Variants in PCBP4 observed in about 807,000 individuals in gnomAD.
The protein encoded by PCBP4 is poly(rC)-binding protein 4.
A neutral mutation model predicts 46.2 loss-of-function variants in PCBP4; 24 were observed. The observed-to-expected ratio is 0.52, with a 90% CI of 0.38 to 0.73. The LOEUF (loss-of-function observed/expected upper bound fraction) is 0.73. PCBP4 is among the 30% of genes least tolerant of loss of function. The pLI, the probability that PCBP4 is intolerant of heterozygous loss-of-function variation, is 0.00. For missense variants in PCBP4, 407 were observed against 537.0 expected (o/e 0.76, Z 2.39); for synonymous variants, 203 against 224.4 (o/e 0.90, Z 0.85).
Position 51,967,332 on chromosome 3 carries a change from G to A in PCBP4, c.-219C>T, listed in dbSNP as rs1212350786. On this transcript the variant is annotated 5_prime_UTR_variant, in exon 1 of 14. The change creates a premature stop within an existing upstream ORF in the 5' untranslated region. Coordinates refer to ENST00000461554, the MANE Select transcript of PCBP4 (RefSeq NM_001174100.2). The stretch of plus-strand genomic sequence containing the variant: ...CGCCCGGCCCGCGCCCTACCTCGCT[G>A]GGGCTGTCCTGCGGCGGCGGCGGCG... 1 of 150,318 alleles carries A rather than the reference G, an allele frequency of 6.7e-6. No individual in the cohort carries two copies. Among genetic ancestry groups the A allele is most frequent in the Middle Eastern group, 3.3e-3 (1 of 302 alleles). 9.3% of individuals were successfully genotyped at this position (150,318 alleles called of 1,614,324 possible).
At chr3:51,966,701 C>A (rs1022332471) in intron 1 of PCBP4, among the ~76,000 whole-genome samples, 2 of 152,042 alleles carry the variant, frequency 1.3e-5, no homozygotes, top group African/African-American at 2.4e-5. Flanking sequence ...CCACAGGTCT[C>A]AAGATGGCGG....
intron 1 of PCBP4, among the ~76,000 whole-genome samples, chr3:51,966,291 A>G (rs1164013888): frequency 6.6e-6 from 1 of 152,024 alleles, no homozygotes; most frequent in Non-Finnish European, 1.5e-5. Context: ...TGCAAGAAGA[A>G]CAATCCCCTT....
intron 1 of PCBP4, among the ~76,000 whole-genome samples, chr3:51,965,545 CT>C (rs1279974525): frequency 2.6e-5 from 4 of 152,228 alleles, no homozygotes; most frequent in African/African-American, 9.6e-5. Context: ...CTGAGCCTGT[CT>C]TTCCACTATA....
chr3:51,959,962 A>C lies in PCBP4; in HGVS notation c.449T>G (p.Val150Gly). 4 of 1,613,476 alleles carry C rather than the reference A, an allele frequency of 2.5e-6. No individual in the cohort carries two copies. Among genetic ancestry groups the C allele is most frequent in the Non-Finnish European group, 3.4e-6 (4 of 1,179,526 alleles). Residue 150 changes from valine to glycine, a missense_variant, in exon 8 of 14, where the codon GTT becomes GGT. Physicochemically the swap from Val to Gly is moderately radical, Grantham distance 109 (BLOSUM62 -3). Transcript: ENST00000461554. This position sits in a 1 kb window ranked among gnomAD's most constrained non-coding sequence, Gnocchi z 5.6. The part of the protein sequence containing the change: ...DLLPNSTERA[V>G]TVSGVPDAII... ...GGCATCAGGCACCCCAGATACCGTA[A>C]CAGCTCGCTCTGTGGAGTTGGGGAG... is the stretch of plus-strand genomic sequence containing the variant.
Position 51,960,761 on chromosome 3 carries a change from G to T in PCBP4, c.138+105C>A. 1 of 1,471,120 alleles carries T rather than the reference G, an allele frequency of 6.8e-7. No individual in the cohort carries two copies. The highest frequency in any genetic ancestry group is 1.7e-5 in the Admixed American group (1 of 59,820). The allele number at this position is 1,471,120 out of a possible 1,614,324, so 91.1% of individuals were successfully genotyped here. On this transcript the variant is annotated intron_variant, in intron 5 of 13. Transcript: ENST00000461554. The surrounding 1 kb of genome is among the most constrained non-coding windows in gnomAD (Gnocchi z 5.0). ...AGGCTCAAAACTGCCACCCTCTGGG[G>T]GACTCACTGGTCAGCCCAGAAGGAG...
intron 1 of PCBP4, among the ~76,000 whole-genome samples, chr3:51,962,634 C>T (rs912920243): frequency 2.0e-4 from 31 of 152,320 alleles, no homozygotes; most frequent in African/African-American, 7.2e-4. Flanking sequence ...TCCTCCTCAG[C>T]CCCCTGCCCC....
Position 51,960,016 on chromosome 3 carries a change from C to T in PCBP4, c.395G>A (p.Gly132Asp), listed in dbSNP as rs1354710342. ...TKIKEIRETTGAQVQVAGDLL... is the reference protein window; with the variant it reads ...TKIKEIRETTDAQVQVAGDLL... ...GTCCCCTGCCACCTGTACCTGGGCA[C>T]CCGTAGTCTGCAAACAGAGAACAGG... Residue 132 changes from glycine (G) to aspartate (D), a missense_variant, in exon 8 of 14, where the codon GGT (glycine) becomes GAT (aspartate). Physicochemically the swap from Gly to Asp is moderately conservative, Grantham distance 94. Transcript: ENST00000461554. The surrounding 1 kb of genome is among the most constrained non-coding windows in gnomAD (Gnocchi z 5.0). 2 of 1,614,104 alleles carry T rather than the reference C, an allele frequency of 1.2e-6. No homozygotes were observed. The highest frequency in any genetic ancestry group is 1.3e-5 in the African/African-American group (1 of 74,938).
Position 51,958,766 on chromosome 3 carries a change from C to G in PCBP4, c.923+24G>C, listed in dbSNP as rs750661659. On this transcript the variant is annotated intron_variant, in intron 13 of 13. Transcript: ENST00000461554. This position sits in a 1 kb window ranked among gnomAD's most constrained non-coding sequence, Gnocchi z 5.4. The stretch of plus-strand genomic sequence containing the variant: ...ACATGAGAACCGTGACCTGCTCCCC[C>G]ACTGCCGCCCAGCCCGCGCTCACCA... 11 of 1,599,402 alleles carry G rather than the reference C, an allele frequency of 6.9e-6. No homozygotes were observed. Among genetic ancestry groups the G allele is most frequent in the Admixed American group, 3.4e-5 (2 of 59,660 alleles).
At chr3:51,965,935 A>AC (rs1700399943) in intron 1 of PCBP4, among the ~76,000 whole-genome samples, 1 of 152,084 alleles carries the variant, frequency 6.6e-6, no homozygotes, top group African/African-American at 2.4e-5. Context: ...GGGGTGGGGT[A>AC]CGTTTCACAG....
In PCBP4 at chr3:51,958,063, A is replaced by T; in HGVS notation, c.1210T>A (p.Ter404ArgextTer66). 6.5e-7 allele frequency: 1 copy of T among 1,545,616 alleles called. No individual in the cohort carries two copies. Among genetic ancestry groups the T allele is most frequent in the Non-Finnish European group, 8.7e-7 (1 of 1,147,478 alleles). Residue 404 changes from the stop codon to arginine, a stop_lost, in exon 14 of 14, where the codon TGA becomes AGA. Coordinates refer to ENST00000461554, the MANE Select transcript of PCBP4 (RefSeq NM_001174100.2). The surrounding 1 kb of genome is among the most constrained non-coding windows in gnomAD (Gnocchi z 5.4). ...CCCTGCCTGTACCTCAGCTGGCCTC[A>T]GTAGGGGGAGAATTTCTGCCGCTCA... is the stretch of plus-strand genomic sequence containing the variant. ...KAERQKFSPY[*>R]
rs1183080946 is a variant in PCBP4, at chr3:51,961,176, A to G, written c.65T>C (p.Met22Thr). 5.0e-6 allele frequency: 8 copies of G among 1,613,682 alleles called. No individual in the cohort carries two copies. The highest frequency in any genetic ancestry group is 5.9e-6 in the Non-Finnish European group (7 of 1,180,008). Reference sequence around the variant, plus strand: ...CCCGCTCACCTTCCCGTGCATCAGCATCCGCAGCGTGAGGGTGATGCTGAG... The same window carrying G: ...CCCGCTCACCTTCCCGTGCATCAGCGTCCGCAGCGTGAGGGTGATGCTGAG... ...PELSITLTLR[M>T]LMHGKEVGSI... The change falls in exon 3 of 14, where the codon ATG becomes ACG. Residue 22 changes from methionine to threonine, a missense_variant. Coordinates refer to ENST00000461554, the MANE Select transcript of PCBP4 (RefSeq NM_001174100.2).
In PCBP4 at chr3:51,961,230, G is replaced by C. The variant is rs765205448; in HGVS notation, c.11C>G (p.Ser4Trp). 4 of 1,612,268 alleles carry C rather than the reference G, an allele frequency of 2.5e-6. No homozygotes were observed. The highest frequency in any genetic ancestry group is 3.3e-5 in the Admixed American group (2 of 60,014). The stretch of plus-strand genomic sequence containing the variant: ...TGGCTCCTCCTCCAGTCCCCCGTCC[G>C]AGCCGCTCATTCTGTCAGGCGAGGC... MSG[S>W]DGGLEEEPEL... The change falls in exon 3 of 14, where the codon TCG (serine) becomes TGG (tryptophan). Residue 4 changes from serine (S) to tryptophan (W), a missense_variant. By Grantham distance (177) the Ser-to-Trp change is radical. Coordinates refer to ENST00000461554, the MANE Select transcript of PCBP4 (RefSeq NM_001174100.2).
At chr3:51,961,373 A>T (rs1700170089) in intron 2 of PCBP4, 69 bp from the exon 3 acceptor site, 1 of 1,446,250 alleles carries the variant, frequency 6.9e-7, no homozygotes, top group Admixed American at 2.4e-5. Context: ...TTACATGGGG[A>T]CCCCAGAGCT....
rs138285569 is a variant in PCBP4, at chr3:51,958,265, C to T, written c.1008G>A (p.Thr336=). Residue 336 remains threonine, a synonymous_variant, in exon 14 of 14, where the codon ACG becomes ACA. Coordinates refer to ENST00000461554, the MANE Select transcript of PCBP4 (RefSeq NM_001174100.2). This position sits in a 1 kb window ranked among gnomAD's most constrained non-coding sequence, Gnocchi z 5.4. ...GGCCAGGGGGAGCTGTGGGCAGGGC[C>T]GTCAGGGGTGGCGAGAAGGGGGCAG... ...DLPAPFSPPL[T]ALPTAPPGLL... is the part of the protein sequence containing the mutation. 5.2e-5 allele frequency: 82 copies of T among 1,585,704 alleles called. No homozygotes were observed. The highest frequency in any genetic ancestry group is 9.3e-5 in the Admixed American group (5 of 53,994).
rs752025602 is a variant in PCBP4 at position 51,959,050 on chromosome 3, G to A, written c.750C>T (p.Asn250=). 4.4e-5 allele frequency: 71 copies of A among 1,613,696 alleles called. No homozygotes were observed. The highest frequency in any genetic ancestry group is 4.0e-4 in the East Asian group (18 of 44,880). The change falls in exon 12 of 14, where the codon AAC becomes AAT. Residue 250 remains asparagine, a synonymous_variant. Coordinates refer to ENST00000461554, the MANE Select transcript of PCBP4 (RefSeq NM_001174100.2). This position sits in a 1 kb window ranked among gnomAD's most constrained non-coding sequence, Gnocchi z 5.6. ...QTSSQEFLVP[N]DLIGCVIGRQ... is the part of the protein sequence containing the mutation. ...AGCCATCCCATCCCCTGCTCACATC[G>A]TTGGGAACCAAGAACTCCTGTGAGC...
rs755585650 is a variant in PCBP4 at position 51,960,121 on chromosome 3, C to T, written c.387+68G>A. On this transcript the variant is annotated intron_variant, in intron 7 of 13. Coordinates refer to ENST00000461554, the MANE Select transcript of PCBP4 (RefSeq NM_001174100.2). This position sits in a 1 kb window ranked among gnomAD's most constrained non-coding sequence, Gnocchi z 5.0. ...CTCTAGGTGGGGAGGACGCCATAAGCCCAACACCCCTCTTACAACTGCTCC... is the reference window on the plus strand; with the variant it reads ...CTCTAGGTGGGGAGGACGCCATAAGTCCAACACCCCTCTTACAACTGCTCC... The T allele has an allele frequency of 1.7e-5, 28 of 1,613,976 alleles. 1 individual carries two copies. The highest frequency in any genetic ancestry group is 2.4e-5 in the Non-Finnish European group (28 of 1,179,952).
In PCBP4 at chr3:51,960,886, CAGTCTCGCCCTT is replaced by C; in HGVS notation, c.106_117del (p.Lys36_Thr39del). ...CTCACCTGCTCCCGGATTCGCTTTA[CAGTCTCGCCCTT>C]CTGTGGGAGGTACAAAACAGATAAT... On this transcript the variant is annotated inframe_deletion and splice_region_variant, in exon 5 of 14. Transcript: ENST00000461554. This position sits in a 1 kb window ranked among gnomAD's most constrained non-coding sequence, Gnocchi z 5.0. 12 of 1,612,796 alleles carry C rather than the reference CAGTCTCGCCCTT, an allele frequency of 7.4e-6. No homozygotes were observed. The highest frequency in any genetic ancestry group is 1.0e-5 in the Non-Finnish European group (12 of 1,180,030).
intron 1 of PCBP4, chr3:51,963,062 T>C (rs1327524380): frequency 6.6e-6 from 1 of 152,258 alleles, no homozygotes. Context: ...CAGGAGCCCC[T>C]TGGAGCAGGA....
At position 51,960,463 on chromosome 3, in the gene PCBP4, G is replaced by C; in HGVS notation, c.255+63C>G. 6.4e-7 allele frequency: 1 copy of C among 1,553,400 alleles called. No homozygotes were observed. Among genetic ancestry groups the C allele is most frequent in the Non-Finnish European group, 8.9e-7 (1 of 1,125,616 alleles). On this transcript the variant is annotated intron_variant, in intron 6 of 13. Transcript: ENST00000461554. The surrounding 1 kb of genome is among the most constrained non-coding windows in gnomAD (Gnocchi z 5.0). Reference sequence around the variant, plus strand: ...CCCTCCCACCCATAGCCACTATCTGGAGTCAGAGTTGGGTTCCTCCTGGGG... The same window carrying C: ...CCCTCCCACCCATAGCCACTATCTGCAGTCAGAGTTGGGTTCCTCCTGGGG...
Sources: allele counts gnomAD v4.1 joint callset (sites outside exome capture counted in the v4.1 genomes callset), GRCh38; gene constraint gnomAD v4.1.1; non-coding constraint Gnocchi (gnomAD v3.1); transcripts MANE v1.5; gene names NCBI Gene and HGNC (gene_info 2026-07-23, HGNC 2026-07-21).